Variants in LRRC69 observed in about 807,000 individuals in gnomAD.
The protein encoded by LRRC69 is leucine-rich repeat-containing protein 69.
Under a neutral mutation model 37.8 loss-of-function variants are expected in LRRC69, and 42 were observed. The observed-to-expected ratio is 1.11, with a 90% CI of 0.87 to 1.44. The LOEUF (loss-of-function observed/expected upper bound fraction) is 1.44. Among genes scored for constraint, LRRC69 ranks in the 40% most tolerant of loss-of-function variants. The pLI is 0.00. For synonymous variants in LRRC69, 141 were observed against 143.1 expected (o/e 0.99, Z 0.11); for missense variants, 357 against 401.9 (o/e 0.89, Z 0.96).
At chr8:91,194,345 A>G (rs1485226672) in intron 6 of LRRC69, among the ~76,000 whole-genome samples, 9 of 151,138 alleles carry the variant, frequency 6.0e-5, no homozygotes, top group Non-Finnish European at 1.3e-4. Context: ...TTGGTATCAG[A>G]ATGATGCTGG....
chr8:91,189,594 A>G, exon 6 of LRRC69: 2 of 1,551,450 alleles, frequency 1.3e-6, no homozygotes, highest in Non-Finnish European at 1.7e-6. Context: ...AGTGATTTCT[A>G]CACAGCAGGA....
chr8:91,204,652 C>T (rs1268558613), intron 7 of LRRC69, among the ~76,000 whole-genome samples: 1 of 152,246 alleles, frequency 6.6e-6, no homozygotes, highest in Admixed American at 6.5e-5. Flanking sequence ...CCTTTCACAG[C>T]CCATGGCCTC....
chr8:91,155,338 T>A (rs908016810), intron 5 of LRRC69, among the ~76,000 whole-genome samples: 11 of 150,962 alleles, frequency 7.3e-5, no homozygotes, highest in South Asian at 2.1e-4. Flanking sequence ...TTTTAAAAAA[T>A]TTTTAAGCAA....
chr8:91,190,393 A>G (rs1241854043), intron 6 of LRRC69, among the ~76,000 whole-genome samples: 1 of 152,074 alleles, frequency 6.6e-6, no homozygotes, highest in Non-Finnish European at 1.5e-5. Flanking sequence ...GTTTCTTACT[A>G]CAAAAGTAAT....
At chr8:91,147,926 T>C (rs1248587845) in intron 5 of LRRC69, among the ~76,000 whole-genome samples, 1 of 151,728 alleles carries the variant, frequency 6.6e-6, no homozygotes, top group Non-Finnish European at 1.5e-5. Context: ...ATTCTCATTG[T>C]TCAGCTCCCA....
intron 5 of LRRC69, among the ~76,000 whole-genome samples, chr8:91,141,430 G>A (rs1043370320): frequency 6.6e-6 from 1 of 152,032 alleles, no homozygotes; most frequent in Non-Finnish European, 1.5e-5. Context: ...ATGAATCTTG[G>A]AGGACACTAT....
At chr8:91,165,070 T>A (rs1409266470) in intron 5 of LRRC69, among the ~76,000 whole-genome samples, 3 of 151,624 alleles carry the variant, frequency 2.0e-5, no homozygotes. Context: ...GGTTGGTGAA[T>A]AGACATTTTG....
At chr8:91,149,961 C>T (rs555839070) in intron 5 of LRRC69, among the ~76,000 whole-genome samples, 30 of 151,776 alleles carry the variant, frequency 2.0e-4, no homozygotes, top group East Asian at 5.8e-4. Context: ...CTGAAGTTGC[C>T]TATCAGCTTA....
intron 1 of LRRC69, among the ~76,000 whole-genome samples, chr8:91,105,627 A>C (rs1042088074): frequency 6.9e-5 from 10 of 144,486 alleles, no homozygotes; most frequent in African/African-American, 2.4e-4. Flanking sequence ...GCACCACTGC[A>C]CTCCAGCCTG....
chr8:91,189,458 A>G (rs1809456689), intron 5 of LRRC69, 64 bp from the exon 6 acceptor site: 21 of 1,018,462 alleles, frequency 2.1e-5, no homozygotes, highest in Non-Finnish European at 2.9e-5. Flanking sequence ...TTTATTAAAA[A>G]TGTAGCTTTA....
At chr8:91,171,135 A>G (rs2130582090) in intron 5 of LRRC69, among the ~76,000 whole-genome samples, 1 of 152,178 alleles carries the variant, frequency 6.6e-6, no homozygotes, top group South Asian at 2.1e-4. Flanking sequence ...TAAGGAATGT[A>G]ACAAAAACAG....
intron 5 of LRRC69, among the ~76,000 whole-genome samples, chr8:91,144,343 C>T (rs1808580868): frequency 6.6e-6 from 1 of 152,012 alleles, no homozygotes; most frequent in Admixed American, 6.6e-5. Context: ...TGCCCCTGTT[C>T]CAGGTTATTT....
intron 4 of LRRC69, 129 bp from the exon 5 acceptor site, chr8:91,135,539 A>G: frequency 1.9e-6 from 1 of 513,902 alleles, no homozygotes; most frequent in Non-Finnish European, 3.4e-6. Context: ...GTGCTGAAGA[A>G]TTGGTCAGTA....
rs1813349497 is a variant in LRRC69 at position 91,108,031 on chromosome 8, T to C, written c.183+5187T>C. ...ACAGGTAAAACAAATAGCCATCATC[T>C]CTAATTGTGTGCAGCATTGTTGACA... is the stretch of plus-strand genomic sequence containing the variant. On this transcript the variant is annotated intron_variant, in intron 1 of 7. Coordinates refer to ENST00000448384, the Ensembl canonical transcript of LRRC69. 1.3e-5 allele frequency among the ~76,000 whole-genome samples: 2 copies of C among 152,032 alleles called. 1 individual carries two copies.
At chr8:91,148,019 T>C (rs1808654417) in intron 5 of LRRC69, among the ~76,000 whole-genome samples, 1 of 151,806 alleles carries the variant, frequency 6.6e-6, no homozygotes, top group South Asian at 2.1e-4. Flanking sequence ...TTCATCCATG[T>C]CCCTGCAAAG....
At chr8:91,201,719 G>A (rs895634668) in intron 7 of LRRC69, among the ~76,000 whole-genome samples, 1 of 151,602 alleles carries the variant, frequency 6.6e-6, no homozygotes, top group Non-Finnish European at 1.5e-5. Context: ...ATAATATTGG[G>A]GGATAATTTT....
At chr8:91,119,896 C>T (rs1226142655) in intron 1 of LRRC69, among the ~76,000 whole-genome samples, 1 of 151,968 alleles carries the variant, frequency 6.6e-6, no homozygotes, top group Non-Finnish European at 1.5e-5. Flanking sequence ...CCAGCACCCA[C>T]TTGTACTTTG....
intron 3 of LRRC69, among the ~76,000 whole-genome samples, chr8:91,129,458 AATGAACAATAGG>A (rs551211998): frequency 2.4e-4 from 36 of 152,152 alleles, no homozygotes; most frequent in African/African-American, 7.9e-4. Context: ...ATGATGGACA[AATGAACAATAGG>A]ATCTGAGCTC....
chr8:91,168,209 C>T (rs1359513265), intron 5 of LRRC69, among the ~76,000 whole-genome samples: 2 of 151,764 alleles, frequency 1.3e-5, no homozygotes, highest in South Asian at 2.1e-4. Flanking sequence ...TCAGTGCTTA[C>T]GACATTGTAA....
Sources: allele counts gnomAD v4.1 joint callset (sites outside exome capture counted in the v4.1 genomes callset), GRCh38; gene constraint gnomAD v4.1.1; transcripts MANE v1.5; gene names NCBI Gene and HGNC (gene_info 2026-07-23, HGNC 2026-07-21).